Variants in USP6 observed in about 807,000 individuals in gnomAD.
The protein encoded by USP6 is ubiquitin specific peptidase 6, also known as ubiquitin carboxyl-terminal hydrolase 6.
In USP6, 128 loss-of-function variants were observed where a neutral mutation model predicts 175.7. The ratio of observed to expected loss-of-function variants is 0.73; its 90% CI spans 0.63 to 0.84. The LOEUF (loss-of-function observed/expected upper bound fraction) is 0.84, where lower values mean the gene tolerates loss of function less well. Ranked by LOEUF, USP6 falls within the 40% of genes least tolerant of loss-of-function variation. The probability of loss-of-function intolerance (pLI) is 0.00; values close to 1 mark genes in which losing one functional copy is unlikely to be tolerated. For synonymous variants in USP6, 562 were observed against 630.6 expected (o/e 0.89, Z 1.63); for missense variants, 1,498 against 1,760.3 (o/e 0.85, Z 2.67).
At chr17:5,149,971 T>C (rs2073718605) in intron 30 of USP6, among the ~76,000 whole-genome samples, 1 of 152,126 alleles carries the variant, frequency 6.6e-6, no homozygotes, top group Non-Finnish European at 1.5e-5. Context: ...CTGATTGAGC[T>C]CTTTGGACTT....
chr17:5,124,539 C>G (rs2143771226), intron 4 of USP6, 27 bp from the exon 5 acceptor site: 1 of 152,448 alleles, frequency 6.6e-6, no homozygotes, highest in Non-Finnish European at 1.5e-5. Context: ...CTCTTCTGAG[C>G]CCTCACCAGA....
chr17:5,121,441 T>C lies in USP6; in HGVS notation c.-1608T>C, dbSNP rs540377078. The C allele has an allele frequency of 8.5e-5, 26 of 306,688 alleles. No individual in the cohort carries two copies. Among genetic ancestry groups the C allele is most frequent in the Non-Finnish European group, 1.4e-4 (22 of 157,946 alleles). The allele number at this position is 306,688 out of a possible 1,614,324, so 19.0% of individuals were successfully genotyped here. A position where few individuals can be genotyped will look rare whatever the true frequency, so the allele number is the denominator to read the frequency against. ...CCTGCAGAGCGGCAGGATAGAGATA[T>C]GGAGCTCTACATCTCTGTGCAGAAC... On this transcript the variant is annotated 5_prime_UTR_variant, in exon 4 of 38. The change abolishes an upstream ATG in the 5' untranslated region. Transcript: ENST00000574788.
intron 27 of USP6, 49 bp from the exon 28 acceptor site, chr17:5,145,974 T>G: frequency 6.5e-7 from 1 of 1,527,212 alleles, no homozygotes; most frequent in Non-Finnish European, 8.8e-7. Flanking sequence ...ATTTAAGGCT[T>G]TCAATGAAAC....
chr17:5,162,798 G>A, intron 32 of USP6, 86 bp from the exon 33 acceptor site: 1 of 1,539,328 alleles, frequency 6.5e-7, no homozygotes, highest in Non-Finnish European at 8.7e-7. Context: ...AAGCAGAAAA[G>A]TAGGAAGGGA....
chr17:5,163,057 C>G, intron 33 of USP6, 53 bp downstream of exon 33: 1 of 1,504,410 alleles, frequency 6.6e-7, no homozygotes, highest in Non-Finnish European at 8.8e-7. Context: ...GAAATTTCCC[C>G]CAGTGTAACT....
Position 5,135,244 on chromosome 17 carries a change from C to G in USP6, c.505C>G (p.Leu169Val). Residue 169 changes from leucine to valine, a missense_variant, in exon 16 of 38, where the codon CTA becomes GTA. By Grantham distance (32) the Leu-to-Val change is conservative. Coordinates refer to ENST00000574788, the MANE Select transcript of USP6 (RefSeq NM_001304284.2). ...TTCTGTGTTTCCTAGGCAGAGGGAA[C>G]TATTCTACATCCTCCTGGCCTATTC... ...RDRYGAKQRE[L>V]FYILLAYSEY... The G allele has an allele frequency of 6.2e-7, 1 of 1,612,976 alleles. No homozygotes were observed. Among genetic ancestry groups the G allele is most frequent in the Non-Finnish European group, 8.5e-7 (1 of 1,179,168 alleles).
intron 30 of USP6, among the ~76,000 whole-genome samples, chr17:5,152,713 T>C (rs763119748): frequency 1.7e-4 from 26 of 152,058 alleles, no homozygotes; most frequent in Non-Finnish European, 3.2e-4. Flanking sequence ...AAAAAAGAAT[T>C]AGGGTAGGCA....
chr17:5,145,361 T>G, intron 26 of USP6, 44 bp from the exon 27 acceptor site: 1 of 1,524,668 alleles, frequency 6.6e-7, no homozygotes, highest in Non-Finnish European at 8.8e-7. Context: ...GAAATGCCTC[T>G]CTTTTGGATT....
At chr17:5,158,378 C>T (rs2073930368) in intron 31 of USP6, among the ~76,000 whole-genome samples, 1 of 152,130 alleles carries the variant, frequency 6.6e-6, no homozygotes, top group Middle Eastern at 3.4e-3. Context: ...ACCAACCTGC[C>T]CAACATGGCA....
In USP6 at chr17:5,145,494, T is replaced by TG. The variant is rs2073579799; in HGVS notation, c.2085dup (p.His696AlafsTer7). Reference sequence around the variant, plus strand: ...GATCTCAAGTCAAATGCAAGACATGTGGGCATATAAGTGTCCGATTTGACC... The same window carrying TG: ...GATCTCAAGTCAAATGCAAGACATGTGGGGCATATAAGTGTCCGATTTGACC... On this transcript the variant is annotated frameshift_variant, in exon 27 of 38. Coordinates refer to ENST00000574788, the MANE Select transcript of USP6 (RefSeq NM_001304284.2). LOFTEE classifies it high-confidence loss of function. 1 of 1,612,988 alleles carries TG rather than the reference T, an allele frequency of 6.2e-7. No homozygotes were observed. Among genetic ancestry groups the TG allele is most frequent in the Non-Finnish European group, 8.5e-7 (1 of 1,179,542 alleles).
At chr17:5,149,074 T>C (rs548251453) in intron 30 of USP6, among the ~76,000 whole-genome samples, 51 of 152,290 alleles carry the variant, frequency 3.3e-4, no homozygotes, top group African/African-American at 1.2e-3. Context: ...GGCAACAGGA[T>C]AGTCAGCACA....
At position 5,142,379 on chromosome 17, in the gene USP6, T is replaced by G; in HGVS notation, c.1713-18T>G. 2 of 1,600,404 alleles carry G rather than the reference T, an allele frequency of 1.2e-6. No individual in the cohort carries two copies. The highest frequency in any genetic ancestry group is 1.7e-6 in the Non-Finnish European group (2 of 1,170,932). The stretch of plus-strand genomic sequence containing the variant: ...TTATGAGAATCTTTGGCAACAAATT[T>G]TCCTCTCAAACTTCTAGGACAAATC... On this transcript the variant is annotated intron_variant, in intron 24 of 37. Coordinates refer to ENST00000574788, the MANE Select transcript of USP6 (RefSeq NM_001304284.2).
chr17:5,145,955 G>C (rs1270095754), intron 27 of USP6, 68 bp from the exon 28 acceptor site: 2 of 1,498,220 alleles, frequency 1.3e-6, no homozygotes, highest in East Asian at 2.3e-5. Context: ...AGATATATCT[G>C]TACACAGCAT....
At chr17:5,135,014 T>G in intron 15 of USP6, 2 of 510,950 alleles carry the variant, frequency 3.9e-6, no homozygotes, top group East Asian at 3.7e-5. Flanking sequence ...TCATTCAGCG[T>G]GAAAAGGATC....
intron 33 of USP6, 149 bp from the exon 34 acceptor site, chr17:5,167,783 C>A: frequency 3.1e-6 from 3 of 981,250 alleles, no homozygotes; most frequent in South Asian, 2.1e-5. Context: ...GGATTACAGG[C>A]CTGAGCCATC....
At chr17:5,139,143 A>AG (rs755201786) in intron 21 of USP6, 112 bp from the exon 22 acceptor site, 2 of 1,597,804 alleles carry the variant, frequency 1.3e-6, no homozygotes, top group African/African-American at 2.7e-5. Flanking sequence ...GTCAGACCAC[A>AG]GGGGCCACAC....
In USP6 at chr17:5,136,626, T is replaced by C. The variant is rs2073262175; in HGVS notation, c.665-14T>C. 1 of 1,611,266 alleles carries C rather than the reference T, an allele frequency of 6.2e-7. No individual in the cohort carries two copies. Among genetic ancestry groups the C allele is most frequent in the Non-Finnish European group, 8.5e-7 (1 of 1,179,218 alleles). On this transcript the variant is annotated splice_polypyrimidine_tract_variant and intron_variant, in intron 17 of 37. Transcript: ENST00000574788. ...GGAAGGCTCTGATTTCATGATGGGC[T>C]GGGGGCTTCTCAGGATTCCACAGCC...
At position 5,129,129 on chromosome 17, in the gene USP6, G is replaced by T. The variant is rs1046288179; in HGVS notation, c.-160G>T. ...GTGCTGTTCCCGAATGTACCCATTC[G>T]ACAGGTGAGCCGTCTGGGGTCAGAG... is the stretch of plus-strand genomic sequence containing the variant. On this transcript the variant is annotated 5_prime_UTR_variant, in exon 8 of 38. Transcript: ENST00000574788. The T allele has an allele frequency of 1.5e-4, 23 of 152,402 alleles. No homozygotes were observed. The highest frequency in any genetic ancestry group is 4.6e-4 in the African/African-American group (19 of 41,444). 9.4% of individuals were successfully genotyped at this position (152,402 alleles called of 1,614,324 possible). A position where few individuals can be genotyped will look rare whatever the true frequency, so the allele number is the denominator to read the frequency against.
chr17:5,145,819 T>C (rs2073592157), intron 27 of USP6, among the ~76,000 whole-genome samples: 1 of 152,176 alleles, frequency 6.6e-6, no homozygotes, highest in South Asian at 2.1e-4. Context: ...CTCACACTTT[T>C]ATGTCAGATG....
Sources: gnomAD v4.1 joint callset for allele counts (sites outside exome capture counted in the v4.1 genomes callset) on GRCh38, gnomAD v4.1.1 for gene constraint, MANE v1.5 for transcripts, NCBI Gene and HGNC (gene_info 2026-07-23, HGNC 2026-07-21) for gene names.